NLGN1: variants seen among roughly 807,000 people sequenced by gnomAD.
NLGN1 encodes the protein neuroligin-1.
A neutral mutation model predicts 65.5 loss-of-function variants in NLGN1; 12 were observed. The ratio of observed to expected loss-of-function variants is 0.18; its 90% CI spans 0.12 to 0.30. The LOEUF (loss-of-function observed/expected upper bound fraction) is 0.30. NLGN1 is among the 10% of genes least tolerant of loss of function. NLGN1 has a pLI of 1.00. For synonymous variants in NLGN1, 350 were observed against 359.5 expected (o/e 0.97, Z 0.30); for missense variants, 750 against 1,007.1 (o/e 0.74, Z 3.46).
intron 4 of NLGN1, among the ~76,000 whole-genome samples, chr3:173,959,250 G>A (rs754278614): frequency 1.3e-5 from 2 of 152,222 alleles, no homozygotes; most frequent in Non-Finnish European, 2.9e-5. Context: ...GCTCTGTGGA[G>A]CCCACAGCCC....
intron 4 of NLGN1, among the ~76,000 whole-genome samples, chr3:174,263,760 C>T (rs62291792): frequency 0.045 from 6,732 of 150,008 alleles, 204 homozygotes; most frequent in Middle Eastern, 0.092. Context: ...TGTTAGTTGA[C>T]GCAGTTTCTT....
At chr3:173,598,322 A>C (rs2149424812) in intron 2 of NLGN1, among the ~76,000 whole-genome samples, 1 of 152,284 alleles carries the variant, frequency 6.6e-6, no homozygotes, top group Non-Finnish European at 1.5e-5. Flanking sequence ...CCTTGTGATG[A>C]CACTGCTGTT....
intron 2 of NLGN1, among the ~76,000 whole-genome samples, chr3:173,549,636 C>T (rs1055660627): frequency 6.6e-6 from 1 of 152,008 alleles, no homozygotes; most frequent in Non-Finnish European, 1.5e-5. Context: ...AATTTATTTA[C>T]AGGAGGGATG....
intron 4 of NLGN1, among the ~76,000 whole-genome samples, chr3:173,862,505 C>CAAAAAAAAAAAAAAAAA (rs10601211): frequency 2.4e-5 from 1 of 41,708 alleles, no homozygotes; most frequent in African/African-American, 7.0e-5. Flanking sequence ...GACTCCGTCT[C>CAAAAAAAAAAAAAAAAA]AAAAAAAAAA....
At chr3:173,495,545 C>A (rs1454352827) in intron 2 of NLGN1, among the ~76,000 whole-genome samples, 2 of 150,588 alleles carry the variant, frequency 1.3e-5, no homozygotes, top group East Asian at 1.9e-4. Context: ...ACATCATTAC[C>A]TTTGTCTTAA....
chr3:174,197,547 AGTT>A (rs1733690515), intron 4 of NLGN1, among the ~76,000 whole-genome samples: 1 of 149,038 alleles, frequency 6.7e-6, no homozygotes, highest in Admixed American at 6.7e-5. Flanking sequence ...AGGAGAATCC[AGTT>A]AGCCTGGCTT....
chr3:173,781,950 A>G (rs1034264929), intron 3 of NLGN1, among the ~76,000 whole-genome samples: 2 of 152,172 alleles, frequency 1.3e-5, no homozygotes, highest in Non-Finnish European at 2.9e-5. Context: ...TTGATTTAAG[A>G]TTTAAGGGAA....
At chr3:173,695,634 T>C in intron 3 of NLGN1, 1 of 259,404 alleles carries the variant, frequency 3.9e-6, no homozygotes, top group Non-Finnish European at 7.8e-6. Context: ...ATCTTATACT[T>C]TAAAAATCTT....
At chr3:174,115,388 G>T (rs144994356) in intron 4 of NLGN1, among the ~76,000 whole-genome samples, 1 of 152,070 alleles carries the variant, frequency 6.6e-6, no homozygotes. Context: ...AACAAGATTC[G>T]ATCTCAGCTG....
chr3:173,648,016 C>CT (rs770145609), intron 3 of NLGN1, among the ~76,000 whole-genome samples: 10 of 152,012 alleles, frequency 6.6e-5, no homozygotes, highest in Non-Finnish European at 1.3e-4. Context: ...TATAATCAGC[C>CT]TTTTTTCTTA....
intron 1 of NLGN1, chr3:173,399,656 A>C (rs568434027): frequency 3.8e-4 from 58 of 152,194 alleles, no homozygotes; most frequent in African/African-American, 1.2e-3. Context: ...GTCTCTTCCA[A>C]CTCTGAAATT....
chr3:173,822,247 T>C (rs13099036), intron 4 of NLGN1, among the ~76,000 whole-genome samples: 129,507 of 152,134 alleles, frequency 0.85, 55,990 homozygotes, highest in African/African-American at 0.93. Flanking sequence ...CTCTGTTTAG[T>C]TGTAACCATC....
At chr3:174,026,619 T>C (rs531854611) in intron 4 of NLGN1, among the ~76,000 whole-genome samples, 3 of 152,114 alleles carry the variant, frequency 2.0e-5, no homozygotes, top group Non-Finnish European at 4.4e-5. Context: ...TCAAGCTTAA[T>C]AGAGTATGAG....
intron 3 of NLGN1, among the ~76,000 whole-genome samples, chr3:173,748,109 A>G (rs569510820): frequency 1.3e-5 from 2 of 152,068 alleles, no homozygotes; most frequent in South Asian, 4.1e-4. Context: ...CTGAAAACAT[A>G]TATTTAGGAG....
At chr3:173,837,600 A>T (rs1014882045) in intron 4 of NLGN1, among the ~76,000 whole-genome samples, 15 of 152,312 alleles carry the variant, frequency 9.8e-5, no homozygotes, top group Admixed American at 7.2e-4. Flanking sequence ...CTTAGCAGGG[A>T]AAAATAAAAC....
rs117805958 is a variant in NLGN1 at position 174,052,821 on chromosome 3, A to G, written c.647-222494A>G. ...AGACAACAAAATTCACTATCAGTAA[A>G]TTTCCAAGAGGATTCACAATTTGGC... On this transcript the variant is annotated intron_variant, in intron 4 of 6. Transcript: ENST00000457714. Among the ~76,000 whole-genome samples the G allele has an allele frequency of 6.3e-3, 952 of 152,098 alleles. 22 individuals carry two copies. The highest frequency in any genetic ancestry group is 0.038 in the East Asian group (198 of 5,146).
At position 173,771,558 on chromosome 3, in the gene NLGN1, T is replaced by C. The variant is rs1779577460; in HGVS notation, c.494-36122T>C. 2.0e-5 allele frequency among the ~76,000 whole-genome samples: 3 copies of C among 152,074 alleles called. No homozygotes were observed. The South Asian group carries it at 6.2e-4, about 31-fold the overall frequency. ...TTGAGTGAACAAGTACTCAGGAAAA[T>C]AACTAACACCTTGAATTGTATGAGG... On this transcript the variant is annotated intron_variant, in intron 3 of 6. Coordinates refer to ENST00000457714, the Ensembl canonical transcript of NLGN1.
chr3:173,713,679 G>A (rs1306485851), intron 3 of NLGN1, among the ~76,000 whole-genome samples: 1 of 151,990 alleles, frequency 6.6e-6, no homozygotes, highest in Non-Finnish European at 1.5e-5. Flanking sequence ...TTTTTAAGTT[G>A]AAATTAATGA....
At position 173,806,850 on chromosome 3, in the gene NLGN1, C is replaced by T. The variant is rs373676731; in HGVS notation, c.494-830C>T. Among the ~76,000 whole-genome samples the T allele has an allele frequency of 3.7e-4, 57 of 152,190 alleles. 1 individual carries two copies. Among genetic ancestry groups the T allele is most frequent in the African/African-American group, 1.2e-3 (50 of 41,556 alleles). On this transcript the variant is annotated intron_variant, in intron 3 of 6. Coordinates refer to ENST00000457714, the Ensembl canonical transcript of NLGN1. ...TGTAGAAATCACTTGAACCCTAAAT[C>T]TTGACACTTTACACTTGAACTTAGC... is the stretch of plus-strand genomic sequence containing the variant.
Sources: gnomAD v4.1 joint callset for allele counts (sites outside exome capture counted in the v4.1 genomes callset) on GRCh38, gnomAD v4.1.1 for gene constraint, MANE v1.5 for transcripts, NCBI Gene and HGNC (gene_info 2026-07-23, HGNC 2026-07-21) for gene names.